The following MKX variants were observed in gnomAD, a reference collection of about 807,000 sequenced individuals.
The protein encoded by MKX is homeobox protein Mohawk.
In MKX, 13 loss-of-function variants were observed where a neutral mutation model predicts 36.0. That is an observed-to-expected ratio of 0.36 (90% CI 0.24 to 0.57). The LOEUF (loss-of-function observed/expected upper bound fraction) is 0.57, where lower values mean the gene tolerates loss of function less well. Among genes scored for constraint, MKX ranks in the 20% least tolerant of loss-of-function variants. MKX has a pLI of 0.79. For synonymous variants in MKX, 176 were observed against 178.3 expected, an observed-to-expected ratio of 0.99 and a Z score of 0.10; for missense variants, 458 against 456.4, an observed-to-expected ratio of 1.00 and a Z score of -0.03.
At chr10:27,697,889 C>T (rs1719874021) in intron 5 of MKX, among the ~76,000 whole-genome samples, 1 of 152,078 alleles carries the variant, frequency 6.6e-6, no homozygotes, top group African/African-American at 2.4e-5. Flanking sequence ...AAGATGATAC[C>T]AGTGGGGCAG....
chr10:27,690,014 A>G (rs1462555908), intron 5 of MKX, among the ~76,000 whole-genome samples: 1 of 152,208 alleles, frequency 6.6e-6, no homozygotes, highest in Non-Finnish European at 1.5e-5. Context: ...TCCTTTTTCC[A>G]TGATTACCAC....
At chr10:27,696,770 A>T (rs1836562103) in intron 5 of MKX, among the ~76,000 whole-genome samples, 1 of 152,014 alleles carries the variant, frequency 6.6e-6, no homozygotes. Flanking sequence ...TACGTATATC[A>T]CCCACTCAAT....
chr10:27,706,791 T>A (rs1208833386), intron 5 of MKX, among the ~76,000 whole-genome samples: 2 of 152,124 alleles, frequency 1.3e-5, no homozygotes, highest in Admixed American at 6.6e-5. Context: ...ACCTTTGATA[T>A]AAAAGAGGGG....
intron 5 of MKX, among the ~76,000 whole-genome samples, chr10:27,721,481 C>T (rs12244362): frequency 0.047 from 7,106 of 152,168 alleles, 539 homozygotes; most frequent in African/African-American, 0.16. Flanking sequence ...TGCAGGGACA[C>T]GCATGGAGCT....
At chr10:27,743,205 G>A in intron 2 of MKX, 23 bp downstream of exon 2, 1 of 1,436,824 alleles carries the variant, frequency 7.0e-7, no homozygotes, top group East Asian at 2.8e-5. Flanking sequence ...AGGCGGGCAG[G>A]GCCCCCAGGG....
At chr10:27,702,233 A>C (rs1836671329) in intron 5 of MKX, among the ~76,000 whole-genome samples, 1 of 152,166 alleles carries the variant, frequency 6.6e-6, no homozygotes, top group Admixed American at 6.5e-5. Flanking sequence ...CTGCTGGAAA[A>C]ACAACTTTCC....
At chr10:27,676,930 GT>G (rs1836163519) in intron 5 of MKX, among the ~76,000 whole-genome samples, 5 of 152,116 alleles carry the variant, frequency 3.3e-5, no homozygotes, top group Non-Finnish European at 7.4e-5. Flanking sequence ...GAACACGAAT[GT>G]CTCCCAACAC....
chr10:27,679,235 C>T (rs751221461), intron 5 of MKX, among the ~76,000 whole-genome samples: 16 of 152,042 alleles, frequency 1.1e-4, no homozygotes, highest in South Asian at 6.2e-4. Flanking sequence ...CAAACCTGCA[C>T]GTTGTGCACA....
At chr10:27,697,600 C>T (rs1363034561) in intron 5 of MKX, among the ~76,000 whole-genome samples, 3 of 152,220 alleles carry the variant, frequency 2.0e-5, no homozygotes, top group Non-Finnish European at 4.4e-5. Flanking sequence ...CAGATCTTCT[C>T]ATTTCAAGTG....
chr10:27,730,728 G>A (rs1834606190), intron 5 of MKX, among the ~76,000 whole-genome samples: 1 of 151,778 alleles, frequency 6.6e-6, no homozygotes, highest in Admixed American at 6.6e-5. Flanking sequence ...AAAGTGCAGG[G>A]ATTACAGGTG....
At chr10:27,711,494 T>TCTCTTCCTTCCTTCCTTCCTTC (rs1554772211) in intron 5 of MKX, among the ~76,000 whole-genome samples, 5 of 34,168 alleles carry the variant, frequency 1.5e-4, no homozygotes, top group East Asian at 8.2e-4. Context: ...TCTCTCTCTC[T>TCTCTTCCTTCCTTCCTTCCTTC]CTTCTTTCCT....
chr10:27,711,465 TTC>T (rs1286029290), intron 5 of MKX, among the ~76,000 whole-genome samples: 114 of 8,676 alleles, frequency 0.013, 3 homozygotes, highest in African/African-American at 0.039. Context: ...CTTTCTTTCT[TTC>T]TTTCTTTCTT....
At chr10:27,724,476 C>T (rs555135832) in intron 5 of MKX, among the ~76,000 whole-genome samples, 2 of 152,218 alleles carry the variant, frequency 1.3e-5, no homozygotes, top group Admixed American at 1.3e-4. Context: ...TGTAGCACCT[C>T]CTACTGGGCT....
intron 5 of MKX, among the ~76,000 whole-genome samples, chr10:27,686,932 C>T (rs1589656492): frequency 6.6e-6 from 1 of 152,218 alleles, no homozygotes; most frequent in East Asian, 1.9e-4. Flanking sequence ...TCCTCACCTT[C>T]AACTGCCTTT....
chr10:27,696,387 A>G (rs1836555375), intron 5 of MKX, among the ~76,000 whole-genome samples: 1 of 152,202 alleles, frequency 6.6e-6, no homozygotes, highest in Non-Finnish European at 1.5e-5. Context: ...AACTGCAAAC[A>G]TTGTTTTTGT....
At chr10:27,678,156 AT>A in intron 5 of MKX, among the ~76,000 whole-genome samples, 1 of 152,194 alleles carries the variant, frequency 6.6e-6, no homozygotes, top group Non-Finnish European at 1.5e-5. Context: ...CTGCGAAGTC[AT>A]TTTTTATTGA....
chr10:27,711,494 TCTTCTTTC>T (rs1159028514), intron 5 of MKX, among the ~76,000 whole-genome samples: 6 of 34,148 alleles, frequency 1.8e-4, no homozygotes, highest in African/African-American at 4.3e-4. Context: ...TCTCTCTCTC[TCTTCTTTC>T]CTTCCTTCCT....
At chr10:27,736,617 A>T (rs1420042532) in intron 3 of MKX, among the ~76,000 whole-genome samples, 2 of 152,064 alleles carry the variant, frequency 1.3e-5, no homozygotes, top group African/African-American at 2.4e-5. Flanking sequence ...TTTGTGTGGC[A>T]ATGTTTGCAC....
intron 5 of MKX, among the ~76,000 whole-genome samples, chr10:27,697,001 T>C (rs1486711026): frequency 6.6e-6 from 1 of 152,222 alleles, no homozygotes; most frequent in African/African-American, 2.4e-5. Context: ...TAACCACGTG[T>C]TACCTAAAAG....
Sources: allele counts gnomAD v4.1 joint callset (sites outside exome capture counted in the v4.1 genomes callset), GRCh38; gene constraint gnomAD v4.1.1; transcripts MANE v1.5; gene names NCBI Gene and HGNC (gene_info 2026-07-23, HGNC 2026-07-21).